Variants in IPCEF1 observed in about 807,000 individuals in gnomAD.
The protein encoded by IPCEF1 is interactor protein for cytohesin exchange factors 1.
A neutral mutation model predicts 50.9 loss-of-function variants in IPCEF1; 31 were observed. The observed-to-expected ratio is 0.61, with a 90% CI of 0.46 to 0.82. IPCEF1 has a LOEUF of 0.82. Ranked by LOEUF, IPCEF1 falls within the 40% of genes least tolerant of loss-of-function variation. IPCEF1 has a pLI of 0.00. For missense variants in IPCEF1, 458 were observed against 514.0 expected (o/e 0.89, Z 1.05); for synonymous variants, 181 against 192.0 (o/e 0.94, Z 0.47).
chr6:154,287,525 G>T (rs1191518164), intron 2 of IPCEF1, among the ~76,000 whole-genome samples: 1 of 152,192 alleles, frequency 6.6e-6, no homozygotes, highest in Non-Finnish European at 1.5e-5. Context: ...GTGCATAAAG[G>T]TTAAGCAGTT....
intron 11 of IPCEF1, among the ~76,000 whole-genome samples, chr6:154,162,827 C>G (rs1057045010): frequency 3.3e-5 from 5 of 152,182 alleles, no homozygotes; most frequent in African/African-American, 1.2e-4. Flanking sequence ...TAAACTTCCT[C>G]TTCAGCAGTT....
intron 2 of IPCEF1, among the ~76,000 whole-genome samples, chr6:154,287,228 C>T (rs1195495635): frequency 1.3e-5 from 2 of 151,510 alleles, no homozygotes; most frequent in African/African-American, 4.9e-5. Context: ...TCCCCTTCAC[C>T]TTCCACCATG....
At chr6:154,312,046 G>C (rs549602196) in intron 1 of IPCEF1, among the ~76,000 whole-genome samples, 3 of 152,146 alleles carry the variant, frequency 2.0e-5, no homozygotes, top group African/African-American at 7.2e-5. Flanking sequence ...CAATAGCCAA[G>C]ATATGCAATC....
At chr6:154,303,965 A>C (rs1005314285) in intron 1 of IPCEF1, among the ~76,000 whole-genome samples, 2 of 151,906 alleles carry the variant, frequency 1.3e-5, no homozygotes, top group Non-Finnish European at 2.9e-5. Flanking sequence ...GGGGGCATGC[A>C]TCTGTGGTCC....
At position 154,261,038 on chromosome 6, in the gene IPCEF1, C is replaced by A. The variant is rs191772625; in HGVS notation, c.36+4874G>T. Among the ~76,000 whole-genome samples, 7 of 152,074 alleles carry A rather than the reference C, an allele frequency of 4.6e-5. No individual in the cohort carries two copies. In the East Asian group the frequency reaches 1.4e-3, roughly 29 times the overall value. The stretch of plus-strand genomic sequence containing the variant: ...CACACAATGAGCCAGATTCTAAAGG[C>A]GTGTGTGTGCATGTGTGTGTGTGTT... On this transcript the variant is annotated intron_variant, in intron 3 of 11. Transcript: ENST00000367220.
chr6:154,281,085 A>G (rs1333612348), intron 2 of IPCEF1, among the ~76,000 whole-genome samples: 1 of 151,410 alleles, frequency 6.6e-6, no homozygotes, highest in Non-Finnish European at 1.5e-5. Context: ...CATGCCTGCA[A>G]TCCCAGCACT....
At chr6:154,217,777 C>A (rs1778531900) in intron 7 of IPCEF1, among the ~76,000 whole-genome samples, 1 of 152,064 alleles carries the variant, frequency 6.6e-6, no homozygotes, top group Non-Finnish European at 1.5e-5. Context: ...TAAGTTTATT[C>A]TCCCTCAAAA....
At chr6:154,282,409 G>A (rs549055226) in intron 2 of IPCEF1, among the ~76,000 whole-genome samples, 23 of 152,156 alleles carry the variant, frequency 1.5e-4, no homozygotes, top group South Asian at 1.2e-3. Flanking sequence ...CAGGCAGGGC[G>A]CGGTGGCTCA....
intron 1 of IPCEF1, among the ~76,000 whole-genome samples, chr6:154,296,252 A>G (rs1180299889): frequency 1.3e-5 from 2 of 152,164 alleles, no homozygotes; most frequent in Non-Finnish European, 2.9e-5. Context: ...CACCAAGAGG[A>G]CAGGAACACC....
intron 9 of IPCEF1, among the ~76,000 whole-genome samples, chr6:154,209,353 T>C (rs1236025384): frequency 6.6e-6 from 1 of 152,176 alleles, no homozygotes; most frequent in East Asian, 1.9e-4. Context: ...CAATTCACTC[T>C]CTGCATAAAA....
At chr6:154,205,607 A>G (rs1583793541) in intron 9 of IPCEF1, among the ~76,000 whole-genome samples, 1 of 152,316 alleles carries the variant, frequency 6.6e-6, no homozygotes, top group South Asian at 2.1e-4. Flanking sequence ...AAATAAAAAC[A>G]TACACACACA....
chr6:154,273,724 CT>C (rs71021036), intron 2 of IPCEF1, among the ~76,000 whole-genome samples: 18 of 63,328 alleles, frequency 2.8e-4, no homozygotes, highest in African/African-American at 9.5e-4. Flanking sequence ...TTCTTTCTTT[CT>C]TTTTTTTTTT....
intron 6 of IPCEF1, among the ~76,000 whole-genome samples, chr6:154,221,989 C>T (rs1043047852): frequency 3.3e-5 from 5 of 152,188 alleles, no homozygotes; most frequent in African/African-American, 1.2e-4. Context: ...ATAGAAATAA[C>T]ACTTCAAAAT....
At chr6:154,282,334 T>C (rs1036500554) in intron 2 of IPCEF1, among the ~76,000 whole-genome samples, 5 of 151,910 alleles carry the variant, frequency 3.3e-5, no homozygotes, top group Admixed American at 6.6e-5. Flanking sequence ...AGGGAAGAGA[T>C]TACAATGTCA....
chr6:154,230,668 G>A (rs1779649347), intron 5 of IPCEF1, among the ~76,000 whole-genome samples: 1 of 152,034 alleles, frequency 6.6e-6, no homozygotes, highest in South Asian at 2.1e-4. Context: ...TGTAGTTCCT[G>A]GTTAAAAAAT....
intron 1 of IPCEF1, among the ~76,000 whole-genome samples, chr6:154,319,431 A>G (rs1458627743): frequency 1.3e-5 from 2 of 152,242 alleles, no homozygotes; most frequent in Non-Finnish European, 2.9e-5. Context: ...AACATGGCAG[A>G]AAAATGTGCC....
At chr6:154,337,574 T>C (rs1469606519) in intron 1 of IPCEF1, among the ~76,000 whole-genome samples, 1 of 152,154 alleles carries the variant, frequency 6.6e-6, no homozygotes, top group Non-Finnish European at 1.5e-5. Context: ...GCAGCTGAAT[T>C]AGCCAATGTA....
chr6:154,234,383 C>G (rs922030733), intron 5 of IPCEF1, among the ~76,000 whole-genome samples: 6 of 152,118 alleles, frequency 3.9e-5, no homozygotes, highest in Non-Finnish European at 7.3e-5. Context: ...CTCTCACTTC[C>G]CTATTGCCTT....
chr6:154,329,871 AT>A (rs1176747802), intron 1 of IPCEF1: 1 of 152,260 alleles, frequency 6.6e-6, no homozygotes, highest in African/African-American at 2.4e-5. Context: ...CTGAGCTCAA[AT>A]CAGGAGAGTC....
Sources: allele counts gnomAD v4.1 joint callset (sites outside exome capture counted in the v4.1 genomes callset), GRCh38; gene constraint gnomAD v4.1.1; transcripts MANE v1.5; gene names NCBI Gene and HGNC (gene_info 2026-07-23, HGNC 2026-07-21).